The following BMPR1A variants were observed in gnomAD, a reference collection of about 807,000 sequenced individuals.
BMPR1A encodes bone morphogenetic protein receptor type 1A, also known as bone morphogenetic protein receptor type-1A.
A neutral mutation model predicts 66.0 loss-of-function variants in BMPR1A; 7 were observed. The observed-to-expected ratio is 0.11, with a 90% CI of 0.06 to 0.20. BMPR1A has a LOEUF of 0.20. Among genes scored for constraint, BMPR1A ranks in the 10% least tolerant of loss-of-function variants. BMPR1A has a pLI of 1.00. For synonymous variants in BMPR1A, 200 were observed against 229.7 expected (o/e 0.87, Z 1.17); for missense variants, 408 against 669.1 (o/e 0.61, Z 4.31).
chr10:86,917,285 A>C lies in BMPR1A; in HGVS notation c.827A>C (p.Glu276Ala), dbSNP rs1843587797. Reference protein sequence around the residue: ...TEEASWFRETEIYQTVLMRHE... With the variant: ...TEEASWFRETAIYQTVLMRHE... Reference sequence around the variant, plus strand: ...GAAGCCAGCTGGTTTCGAGAAACAGAAATCTACCAAACTGTGCTAATGCGC... The same window carrying C: ...GAAGCCAGCTGGTTTCGAGAAACAGCAATCTACCAAACTGTGCTAATGCGC... The change falls in exon 9 of 13, where the codon GAA becomes GCA. Residue 276 changes from glutamate to alanine, a missense_variant. Coordinates refer to ENST00000372037, the MANE Select transcript of BMPR1A (RefSeq NM_004329.3). The C allele has an allele frequency of 1.9e-6, 3 of 1,614,168 alleles. No homozygotes were observed. Among genetic ancestry groups the C allele is most frequent in the Non-Finnish European group, 2.5e-6 (3 of 1,180,038 alleles).
At chr10:86,835,226 C>A (rs1156696891) in intron 1 of BMPR1A, among the ~76,000 whole-genome samples, 1 of 145,166 alleles carries the variant, frequency 6.9e-6, no homozygotes, top group Non-Finnish European at 1.5e-5. Flanking sequence ...CAGAGTGAGA[C>A]CCTGTCTTTA....
intron 1 of BMPR1A, among the ~76,000 whole-genome samples, chr10:86,824,956 G>A (rs1413378429): frequency 1.3e-5 from 2 of 151,984 alleles, no homozygotes; most frequent in African/African-American, 2.4e-5. Context: ...TAATCTTAGA[G>A]TATGCATCAT....
chr10:86,911,792 G>GA lies in BMPR1A; in HGVS notation c.531-438dup, dbSNP rs950642022. On this transcript the variant is annotated intron_variant, in intron 7 of 12. Coordinates refer to ENST00000372037, the MANE Select transcript of BMPR1A (RefSeq NM_004329.3). ...TAAAAATATGAGTAGGCAGTTCACA[G>GA]AAAAAAAAAAGCTGAACTGTGGAAA... Among the ~76,000 whole-genome samples, 63 of 146,100 alleles carry GA rather than the reference G, an allele frequency of 4.3e-4. No homozygotes were observed. In the East Asian group the frequency reaches 6.0e-3, roughly 14 times the overall value.
At chr10:86,856,296 G>A (rs533403083) in intron 2 of BMPR1A, 16 of 496,552 alleles carry the variant, frequency 3.2e-5, no homozygotes, top group East Asian at 1.1e-4. Flanking sequence ...GTGGCATTTC[G>A]AGAATGGTGG....
chr10:86,925,906 T>G lies in BMPR1A; in HGVS notation c.*2187T>G, dbSNP rs1258098329. On this transcript the variant is annotated 3_prime_UTR_variant, in exon 13 of 13. Coordinates refer to ENST00000372037, the MANE Select transcript of BMPR1A (RefSeq NM_004329.3). Reference sequence around the variant, plus strand: ...CCGCGCCCGGCTAATTTTTTGTATTTTTAGTAGAGACGGGGTTTCACCTTG... The same window carrying G: ...CCGCGCCCGGCTAATTTTTTGTATTGTTAGTAGAGACGGGGTTTCACCTTG... 1 of 162,494 alleles carries G rather than the reference T, an allele frequency of 6.2e-6. No individual in the cohort carries two copies. Among genetic ancestry groups the G allele is most frequent in the Non-Finnish European group, 1.3e-5 (1 of 74,420 alleles). The allele number at this position is 162,494 out of a possible 1,614,324, so 10.1% of individuals were successfully genotyped here. A position where few individuals can be genotyped will look rare whatever the true frequency, so the allele number is the denominator to read the frequency against.
intron 1 of BMPR1A, among the ~76,000 whole-genome samples, chr10:86,786,814 C>T (rs1052461085): frequency 3.9e-5 from 6 of 152,170 alleles, no homozygotes; most frequent in African/African-American, 1.4e-4. Context: ...ATTCTTCCTC[C>T]AGTAACTTAA....
intron 5 of BMPR1A, among the ~76,000 whole-genome samples, chr10:86,897,586 T>G (rs1843242649): frequency 6.6e-6 from 1 of 152,164 alleles, no homozygotes; most frequent in South Asian, 2.1e-4. Flanking sequence ...ATATTCTACC[T>G]TGTTTCCCCC....
chr10:86,848,615 C>G (rs899401941), intron 2 of BMPR1A, among the ~76,000 whole-genome samples: 1 of 151,960 alleles, frequency 6.6e-6, no homozygotes, highest in South Asian at 2.1e-4. Context: ...TTTCTTCCTG[C>G]CTTTGGTACC....
chr10:86,902,450 T>G (rs139836772), intron 7 of BMPR1A, among the ~76,000 whole-genome samples: 118 of 152,244 alleles, frequency 7.8e-4, no homozygotes, highest in African/African-American at 2.8e-3. Flanking sequence ...CTGCAGTGCC[T>G]TCAGCCACAT....
chr10:86,893,013 G>A lies in BMPR1A; in HGVS notation c.333+784G>A, dbSNP rs145459545. Among the ~76,000 whole-genome samples the A allele has an allele frequency of 7.1e-3, 1,078 of 151,718 alleles. 17 individuals are homozygous for A. Among genetic ancestry groups the A allele is most frequent in the African/African-American group, 0.025 (1,034 of 41,350 alleles). On this transcript the variant is annotated intron_variant, in intron 5 of 12. Coordinates refer to ENST00000372037, the MANE Select transcript of BMPR1A (RefSeq NM_004329.3). ...CTTTAAAAATAAAAATTTTATTCAA[G>A]TAATATGATTATGGTAATTTAAGTT...
At chr10:86,869,630 G>T (rs1842829335) in intron 2 of BMPR1A, among the ~76,000 whole-genome samples, 1 of 151,976 alleles carries the variant, frequency 6.6e-6, no homozygotes, top group Non-Finnish European at 1.5e-5. Context: ...GATGGCGCAT[G>T]CCTGTAATCT....
chr10:86,760,188 G>GTGTTTTT (rs764715631), intron 1 of BMPR1A, among the ~76,000 whole-genome samples: 2 of 53,380 alleles, frequency 3.7e-5, no homozygotes, highest in Admixed American at 2.3e-4. Flanking sequence ...AGATTTACCT[G>GTGTTTTT]TTTTTTTTTT....
At chr10:86,791,018 A>G (rs1841609149) in intron 1 of BMPR1A, among the ~76,000 whole-genome samples, 1 of 152,232 alleles carries the variant, frequency 6.6e-6, no homozygotes, top group Non-Finnish European at 1.5e-5. Flanking sequence ...CTTCTAACAA[A>G]ATTGAAGGAT....
chr10:86,766,984 C>T (rs1430485592), intron 1 of BMPR1A, among the ~76,000 whole-genome samples: 4 of 152,028 alleles, frequency 2.6e-5, no homozygotes, highest in Non-Finnish European at 4.4e-5. Flanking sequence ...TCACCATGTC[C>T]AGCTAATTTT....
intron 7 of BMPR1A, among the ~76,000 whole-genome samples, chr10:86,908,485 C>G (rs1462862225): frequency 6.6e-6 from 1 of 152,194 alleles, no homozygotes; most frequent in African/African-American, 2.4e-5. Flanking sequence ...GTGTTTGGGC[C>G]TGTGCCTTCA....
chr10:86,816,934 A>G (rs1356125912), intron 1 of BMPR1A, among the ~76,000 whole-genome samples: 2 of 152,220 alleles, frequency 1.3e-5, no homozygotes, highest in South Asian at 2.1e-4. Flanking sequence ...ATATGAGTCT[A>G]TGTGCATATT....
At chr10:86,868,750 T>G (rs1368688495) in intron 2 of BMPR1A, among the ~76,000 whole-genome samples, 4 of 151,490 alleles carry the variant, frequency 2.6e-5, no homozygotes, top group African/African-American at 9.7e-5. Context: ...GTAGTCTGTT[T>G]TTTCAACTGA....
In BMPR1A at chr10:86,921,698, G is replaced by A. The variant is rs2133608987; in HGVS notation, c.1342+3G>A. ...GGCTCGTCGTTGTATCACAGGAGGT[G>A]GGAGTTTGAGTAGTTTCTGATTATG... On this transcript the variant is annotated splice_donor_region_variant and intron_variant, in intron 11 of 12. Transcript: ENST00000372037. The A allele has an allele frequency of 6.2e-7, 1 of 1,614,162 alleles. No homozygotes were observed. The highest frequency in any genetic ancestry group is 1.1e-5 in the South Asian group (1 of 91,060).
rs551242227 is a variant in BMPR1A at position 86,783,834 on chromosome 10, C to A, written c.-268+26915C>A. Among the ~76,000 whole-genome samples the A allele has an allele frequency of 1.1e-4, 16 of 152,282 alleles. No homozygotes were observed. The South Asian group carries it at 3.3e-3, about 32-fold the overall frequency. On this transcript the variant is annotated intron_variant, in intron 1 of 12. Coordinates refer to ENST00000372037, the MANE Select transcript of BMPR1A (RefSeq NM_004329.3). ...GAAGTGCTGGAATTACAGGTGTGAGCCACTGTGCTGGCCTTATTCTTAAGT... is the reference window on the plus strand; with the variant it reads ...GAAGTGCTGGAATTACAGGTGTGAGACACTGTGCTGGCCTTATTCTTAAGT...
Sources: allele counts gnomAD v4.1 joint callset (sites outside exome capture counted in the v4.1 genomes callset), GRCh38; gene constraint gnomAD v4.1.1; transcripts MANE v1.5; gene names NCBI Gene and HGNC (gene_info 2026-07-23, HGNC 2026-07-21).